The following PAPSS1 variants were observed in gnomAD, a reference collection of about 807,000 sequenced individuals.
The protein encoded by PAPSS1 is bifunctional 3'-phosphoadenosine 5'-phosphosulfate synthase 1.
In PAPSS1, 50 loss-of-function variants were observed where a neutral mutation model predicts 72.0. The ratio of observed to expected loss-of-function variants is 0.69; its 90% confidence interval spans 0.55 to 0.88. The LOEUF (loss-of-function observed/expected upper bound fraction) is 0.88, where lower values mean the gene tolerates loss of function less well. Among genes scored for constraint, PAPSS1 ranks in the 40% least tolerant of loss-of-function variants. The pLI, the probability that PAPSS1 is intolerant of heterozygous loss-of-function variation, is 0.00. For synonymous variants in PAPSS1, 261 were observed against 263.6 expected (o/e 0.99, Z 0.09); for missense variants, 657 against 782.2 (o/e 0.84, Z 1.91).
At chr4:107,703,037 T>C (rs985673303) in intron 1 of PAPSS1, among the ~76,000 whole-genome samples, 3 of 152,226 alleles carry the variant, frequency 2.0e-5, no homozygotes, top group Non-Finnish European at 4.4e-5. Flanking sequence ...ACAGCCATTC[T>C]AACAGGTGTG....
Position 107,615,369 on chromosome 4 carries a change from T to C in PAPSS1, c.1737-982A>G, listed in dbSNP as rs565889983. Among the ~76,000 whole-genome samples, 9 of 152,312 alleles carry C rather than the reference T, an allele frequency of 5.9e-5. 1 individual carries two copies. The South Asian group carries it at 1.9e-3, about 32-fold the overall frequency. On this transcript the variant is annotated intron_variant, in intron 11 of 11. Transcript: ENST00000265174. ...ACCAGATCACGAGCCTGTTTACTTC[T>C]AGTTGGCAGTTCTATGTTCCTTCCT...
intron 9 of PAPSS1, 76 bp from the exon 10 acceptor site, chr4:107,645,146 T>A (rs1195847643): frequency 6.8e-6 from 8 of 1,169,094 alleles, no homozygotes; most frequent in Non-Finnish European, 9.1e-6. Context: ...CAATTTTTCT[T>A]AAAACTTGAT....
At chr4:107,664,017 TA>T (rs1727254173) in intron 5 of PAPSS1, among the ~76,000 whole-genome samples, 1 of 152,212 alleles carries the variant, frequency 6.6e-6, no homozygotes, top group African/African-American at 2.4e-5. Flanking sequence ...CAGTTGAGCC[TA>T]AATAGTTCTA....
intron 1 of PAPSS1, chr4:107,718,530 T>C (rs1723693781): frequency 6.6e-6 from 1 of 152,212 alleles, no homozygotes; most frequent in Admixed American, 6.5e-5. Context: ...TAAATTGCAA[T>C]AAAACTTCTG....
At chr4:107,616,605 T>C (rs1187426090) in intron 11 of PAPSS1, among the ~76,000 whole-genome samples, 1 of 152,206 alleles carries the variant, frequency 6.6e-6, no homozygotes, top group Non-Finnish European at 1.5e-5. Context: ...TTCATAGACC[T>C]TAATAAGTGA....
intron 11 of PAPSS1, among the ~76,000 whole-genome samples, chr4:107,618,177 TATGTAGTC>T (rs1361914784): frequency 6.6e-6 from 1 of 152,114 alleles, no homozygotes; most frequent in Non-Finnish European, 1.5e-5. Context: ...AAGATGATTA[TATGTAGTC>T]ATGGAAGAAG....
At chr4:107,648,041 C>G (rs1402132698) in intron 9 of PAPSS1, among the ~76,000 whole-genome samples, 2 of 152,186 alleles carry the variant, frequency 1.3e-5, no homozygotes, top group East Asian at 3.9e-4. Context: ...GGTCTGGCCC[C>G]CAAAGCCTAT....
intron 11 of PAPSS1, among the ~76,000 whole-genome samples, chr4:107,623,051 G>A (rs1726009434): frequency 6.6e-6 from 1 of 152,178 alleles, no homozygotes; most frequent in Admixed American, 6.5e-5. Context: ...CCTCCAGTCT[G>A]CCCATTGCAA....
chr4:107,677,777 G>C (rs1360236603), intron 5 of PAPSS1, among the ~76,000 whole-genome samples: 1 of 152,154 alleles, frequency 6.6e-6, no homozygotes, highest in Non-Finnish European at 1.5e-5. Context: ...CAAAGACTTG[G>C]AACCAACCCA....
At chr4:107,694,902 T>C (rs1186598303) in intron 2 of PAPSS1, among the ~76,000 whole-genome samples, 2 of 152,048 alleles carry the variant, frequency 1.3e-5, no homozygotes, top group Non-Finnish European at 2.9e-5. Context: ...AAGTCTAATG[T>C]ACCAATGCTC....
intron 10 of PAPSS1, among the ~76,000 whole-genome samples, chr4:107,634,954 C>A (rs2672457): frequency 6.6e-6 from 1 of 151,596 alleles, no homozygotes; most frequent in Non-Finnish European, 1.5e-5. Context: ...CCCGCTACCA[C>A]GCCCAGCTAA....
chr4:107,621,811 G>C (rs911428087), intron 11 of PAPSS1, among the ~76,000 whole-genome samples: 2 of 150,432 alleles, frequency 1.3e-5, no homozygotes, highest in Non-Finnish European at 3.0e-5. Flanking sequence ...TTTTTTTTTA[G>C]TAGAGACGGG....
intron 10 of PAPSS1, among the ~76,000 whole-genome samples, chr4:107,638,328 T>A (rs1286970858): frequency 6.6e-6 from 1 of 152,100 alleles, no homozygotes; most frequent in East Asian, 1.9e-4. Context: ...CATCATGGAG[T>A]CTGAATTCTT....
At chr4:107,667,569 G>T (rs1727353427) in intron 5 of PAPSS1, among the ~76,000 whole-genome samples, 1 of 152,070 alleles carries the variant, frequency 6.6e-6, no homozygotes, top group South Asian at 2.1e-4. Flanking sequence ...AAATTAAATT[G>T]AATCACTGGA....
chr4:107,709,375 G>A (rs549189203), intron 1 of PAPSS1, among the ~76,000 whole-genome samples: 5 of 152,228 alleles, frequency 3.3e-5, no homozygotes, highest in Admixed American at 6.5e-5. Context: ...ACTGCCCTTA[G>A]GTATTGCTGG....
At chr4:107,687,678 C>A (rs1433398830) in intron 3 of PAPSS1, among the ~76,000 whole-genome samples, 1 of 152,222 alleles carries the variant, frequency 6.6e-6, no homozygotes, top group Non-Finnish European at 1.5e-5. Flanking sequence ...ACTCCCAACT[C>A]TCTAGTAACC....
chr4:107,622,918 G>A (rs1184803520), intron 11 of PAPSS1, among the ~76,000 whole-genome samples: 3 of 152,186 alleles, frequency 2.0e-5, no homozygotes, highest in African/African-American at 7.2e-5. Flanking sequence ...TTTTGAAATG[G>A]GGGAGGTGAG....
At position 107,654,537 on chromosome 4, in the gene PAPSS1, C is replaced by A. The variant is rs112787505; in HGVS notation, c.1101+158G>T. 6.0e-3 allele frequency among the ~76,000 whole-genome samples: 919 copies of A among 152,274 alleles called. 9 individuals are homozygous for A. The highest frequency in any genetic ancestry group is 0.02 in the African/African-American group (812 of 41,544). On this transcript the variant is annotated intron_variant, in intron 8 of 11. Transcript: ENST00000265174. Reference sequence around the variant, plus strand: ...TAAATATTTATCTGGACCAAAATGACAAGAGCATAAACACTCATCACAATA... The same window carrying A: ...TAAATATTTATCTGGACCAAAATGAAAAGAGCATAAACACTCATCACAATA...
chr4:107,634,007 G>T (rs374167417), intron 10 of PAPSS1, among the ~76,000 whole-genome samples: 195 of 151,248 alleles, frequency 1.3e-3, no homozygotes, highest in African/African-American at 4.4e-3. Flanking sequence ...ATTCTATGTT[G>T]TTCATTAAAT....
Sources: allele counts gnomAD v4.1 joint callset (sites outside exome capture counted in the v4.1 genomes callset), GRCh38; gene constraint gnomAD v4.1.1; transcripts MANE v1.5; gene names NCBI Gene and HGNC (gene_info 2026-07-23, HGNC 2026-07-21).